Variants in CTTN observed in about 807,000 individuals in gnomAD.
CTTN encodes the protein src substrate cortactin.
Under a neutral mutation model 84.0 loss-of-function variants are expected in CTTN, and 28 were observed. The observed-to-expected ratio is 0.33, with a 90% CI of 0.25 to 0.46. The LOEUF is 0.46. Ranked by LOEUF, CTTN falls within the 20% of genes least tolerant of loss-of-function variation. The probability of loss-of-function intolerance (pLI) is 1.00; values close to 1 mark genes in which losing one functional copy is unlikely to be tolerated. For synonymous variants in CTTN, 301 were observed against 288.8 expected (o/e 1.04, Z -0.43); for missense variants, 641 against 723.8 (o/e 0.89, Z 1.31).
intron 2 of CTTN, among the ~76,000 whole-genome samples, chr11:70,406,558 C>T: frequency 6.6e-6 from 1 of 151,308 alleles, no homozygotes; most frequent in South Asian, 2.1e-4. Flanking sequence ...TATATTTTAC[C>T]ACTGCAGTTA....
intron 4 of CTTN, 35 bp downstream of exon 4, chr11:70,407,626 C>T (rs2058057379): frequency 2.5e-6 from 4 of 1,603,022 alleles, no homozygotes; most frequent in South Asian, 1.1e-5. Context: ...CCGAGGGCCC[C>T]TCTGCGGATG....
At chr11:70,408,887 C>T (rs765629064) in intron 4 of CTTN, among the ~76,000 whole-genome samples, 1 of 151,948 alleles carries the variant, frequency 6.6e-6, no homozygotes, top group Non-Finnish European at 1.5e-5. Flanking sequence ...CTCCTGAATT[C>T]GTTGAGTCAT....
At chr11:70,421,721 T>C in intron 11 of CTTN, 141 bp downstream of exon 11, 1 of 656,140 alleles carries the variant, frequency 1.5e-6, no homozygotes, top group Non-Finnish European at 2.7e-6. Context: ...TGTTCGGCAC[T>C]TTAAACCCAT....
chr11:70,422,672 T>C (rs1239153988), intron 11 of CTTN: 1 of 1,414,624 alleles, frequency 7.1e-7, no homozygotes, highest in Non-Finnish European at 9.4e-7. Context: ...TCCTGCCTGC[T>C]GCCCGCCGCC....
chr11:70,421,676 A>T, intron 11 of CTTN, 96 bp downstream of exon 11: 2 of 820,544 alleles, frequency 2.4e-6, no homozygotes, highest in Non-Finnish European at 2.1e-6. Context: ...CCTGCAACAC[A>T]GTCCTCCTGT....
rs60189081 is a variant in CTTN at position 70,428,153 on chromosome 11, C to CTTT, written c.1028-869_1028-867dup. The stretch of plus-strand genomic sequence containing the variant: ...CAGGGAAGGCTCATGTGTCTTCCCA[C>CTTT]TTTTTTTTTTTTTTTTTTTTTTTTT... On this transcript the variant is annotated intron_variant, in intron 13 of 17. Transcript: ENST00000301843. 3.7e-4 allele frequency among the ~76,000 whole-genome samples: 23 copies of CTTT among 62,616 alleles called. No homozygotes were observed. In the East Asian group the frequency reaches 6.6e-3, roughly 18 times the overall value. 41.1% of individuals were successfully genotyped at this position (62,616 alleles called of 152,430 possible). A position where few individuals can be genotyped will look rare whatever the true frequency, so the allele number is the denominator to read the frequency against.
intron 7 of CTTN, chr11:70,416,057 T>C: frequency 7.0e-6 from 2 of 284,494 alleles, no homozygotes; most frequent in South Asian, 1.3e-4. Flanking sequence ...AGCTCACAGA[T>C]TGATCGGCAG....
At chr11:70,419,004 T>TG (rs1387619350) in intron 8 of CTTN, among the ~76,000 whole-genome samples, 2 of 151,886 alleles carry the variant, frequency 1.3e-5, no homozygotes, top group African/African-American at 2.4e-5. Flanking sequence ...CTTGATCTCT[T>TG]GACCTCATGA....
chr11:70,417,732 G>T (rs2058181092), intron 8 of CTTN, among the ~76,000 whole-genome samples: 1 of 152,136 alleles, frequency 6.6e-6, no homozygotes, highest in Non-Finnish European at 1.5e-5. Flanking sequence ...CTGACCTCAG[G>T]TGATCGCCCT....
rs1057142804 is a variant in CTTN, at chr11:70,436,330, G to A, written c.*1168G>A. Reference sequence around the variant, plus strand: ...GCCGGGAGGCTGGACCAGTCCCGTCGTGCAGTCAGGTGGGCGGTGTGTCTT... The same window carrying A: ...GCCGGGAGGCTGGACCAGTCCCGTCATGCAGTCAGGTGGGCGGTGTGTCTT... On this transcript the variant is annotated 3_prime_UTR_variant, in exon 18 of 18. Transcript: ENST00000301843. 13 of 1,598,250 alleles carry A rather than the reference G, an allele frequency of 8.1e-6. No individual in the cohort carries two copies. The highest frequency in any genetic ancestry group is 3.3e-5 in the Admixed American group (2 of 60,002).
chr11:70,433,537 C>T (rs748232585), intron 16 of CTTN, 110 bp from the exon 17 acceptor site: 37 of 931,888 alleles, frequency 4.0e-5, no homozygotes, highest in African/African-American at 8.2e-5. Flanking sequence ...TTTCAGCTGC[C>T]GCCCTGTGTC....
At chr11:70,416,952 C>T (rs1166411484) in intron 7 of CTTN, 61 bp from the exon 8 acceptor site, 1 of 1,207,676 alleles carries the variant, frequency 8.3e-7, no homozygotes, top group Non-Finnish European at 1.2e-6. Context: ...CTTAGTTTAA[C>T]AAAAGGAACA....
Position 70,435,063 on chromosome 11 carries a change from C to G in CTTN, c.1554C>G (p.Ile518Met). ...DDEISFDPDD[I>M]ITNIEMIDDG... ...AGATCTCATTTGACCCTGATGACAT[C>G]ATCACCAACATCGAGATGATTGACG... is the stretch of plus-strand genomic sequence containing the variant. Residue 518 changes from isoleucine to methionine, a missense_variant, in exon 18 of 18, where the codon ATC becomes ATG. Physicochemically the swap from Ile to Met is conservative, Grantham distance 10. This residue lies in a region of CTTN where 68 missense variants were observed against 102.2 expected (regional missense o/e 0.67). Transcript: ENST00000301843. The G allele has an allele frequency of 6.2e-7, 1 of 1,614,068 alleles. No homozygotes were observed. Among genetic ancestry groups the G allele is most frequent in the South Asian group, 1.1e-5 (1 of 91,082 alleles).
intron 17 of CTTN, 77 bp downstream of exon 17, chr11:70,433,795 C>T (rs1230734350): frequency 4.3e-6 from 4 of 923,938 alleles, no homozygotes; most frequent in Non-Finnish European, 7.3e-6. Context: ...TGAGAATTCA[C>T]TTCTCTAGCG....
At chr11:70,401,665 A>C (rs920425668) in intron 1 of CTTN, among the ~76,000 whole-genome samples, 1 of 151,052 alleles carries the variant, frequency 6.6e-6, no homozygotes, top group African/African-American at 2.4e-5. Context: ...AAAAAACAAA[A>C]AAAAAAAGAG....
chr11:70,416,939 T>C (rs1056606989), intron 7 of CTTN, 74 bp from the exon 8 acceptor site: 5 of 1,040,610 alleles, frequency 4.8e-6, no homozygotes, highest in East Asian at 2.4e-5. Context: ...CTACACACTT[T>C]TGCTTAGTTT....
chr11:70,423,124 G>T (rs2058260168), intron 12 of CTTN, 129 bp downstream of exon 12: 12 of 1,152,532 alleles, frequency 1.0e-5, no homozygotes, highest in Non-Finnish European at 1.4e-5. Context: ...GGTGGTGGTG[G>T]TGGTGGCGAT....
chr11:70,429,239 G>T, intron 14 of CTTN, 40 bp downstream of exon 14: 1 of 1,585,330 alleles, frequency 6.3e-7, no homozygotes, highest in South Asian at 1.1e-5. Context: ...CCCTCCCTGG[G>T]ACCTGTGCCG....
chr11:70,416,967 A>G, intron 7 of CTTN, 46 bp from the exon 8 acceptor site: 7 of 1,304,534 alleles, frequency 5.4e-6, no homozygotes, highest in Non-Finnish European at 6.7e-6. Context: ...GGAACAGTGT[A>G]GTTCGTCCTC....
Sources: allele counts gnomAD v4.1 joint callset (sites outside exome capture counted in the v4.1 genomes callset), GRCh38; gene constraint gnomAD v4.1.1; regional missense constraint gnomAD v4.1.1; transcripts MANE v1.5; gene names NCBI Gene and HGNC (gene_info 2026-07-23, HGNC 2026-07-21).